Variants in CALCRL observed in about 807,000 individuals in gnomAD.
The protein encoded by CALCRL is calcitonin receptor like receptor, also known as calcitonin gene-related peptide type 1 receptor.
A neutral mutation model predicts 60.4 loss-of-function variants in CALCRL; 27 were observed. That is an observed-to-expected ratio of 0.45 (90% CI 0.33 to 0.62). The LOEUF (loss-of-function observed/expected upper bound fraction) is 0.62. Ranked by LOEUF, CALCRL falls within the 20% of genes least tolerant of loss-of-function variation. The pLI, the probability that CALCRL is intolerant of heterozygous loss-of-function variation, is 0.03. For missense variants in CALCRL, 424 were observed against 540.7 expected, an observed-to-expected ratio of 0.78 and a Z score of 2.14; for synonymous variants, 190 against 182.6, an observed-to-expected ratio of 1.04 and a Z score of -0.33.
intron 1 of CALCRL, among the ~76,000 whole-genome samples, chr2:187,388,025 A>G (rs1688278993): frequency 6.6e-6 from 1 of 152,050 alleles, no homozygotes. Flanking sequence ...ATGAGTAAAT[A>G]ATTTTTAAAG....
At chr2:187,425,418 C>A (rs1284501225) in intron 1 of CALCRL, among the ~76,000 whole-genome samples, 2 of 151,764 alleles carry the variant, frequency 1.3e-5, no homozygotes, top group African/African-American at 4.8e-5. Context: ...ACAAGAGAAA[C>A]CCATTTGGTA....
chr2:187,437,439 A>G (rs902366394), intron 1 of CALCRL, among the ~76,000 whole-genome samples: 5 of 152,056 alleles, frequency 3.3e-5, no homozygotes. Flanking sequence ...GGTTTCTTTC[A>G]AGGCTTTTAT....
At position 187,363,403 on chromosome 2, in the gene CALCRL, G is replaced by GT; in HGVS notation, c.599dup (p.Asn200LysfsTer12). 6.2e-7 allele frequency: 1 copy of GT among 1,611,720 alleles called. No homozygotes were observed. Among genetic ancestry groups the GT allele is most frequent in the Non-Finnish European group, 8.5e-7 (1 of 1,178,840 alleles). On this transcript the variant is annotated frameshift_variant, in exon 9 of 15. Transcript: ENST00000392370. LOFTEE classifies it high-confidence loss of function. ...GATTTGTGGCTACTAAGGCCTGGTT[G>GT]TTGGCCACTGCAGTGAGGTGAATGA... is the stretch of plus-strand genomic sequence containing the variant.
rs539403870 is a variant in CALCRL at position 187,387,881 on chromosome 2, T to C, written c.-292-125A>G. ...CATATTTTTATTGAACAATTCCAAC[T>C]TTGAAAAGCCTCTTTTGCTTACAAT... On this transcript the variant is annotated intron_variant, in intron 1 of 14. Coordinates refer to ENST00000392370, the MANE Select transcript of CALCRL (RefSeq NM_005795.6). The C allele has an allele frequency of 1.7e-3, 620 of 361,066 alleles. 8 individuals are homozygous for C. The East Asian group carries it at 0.024, about 14-fold the overall frequency. The allele number at this position is 361,066 out of a possible 1,614,324, so 22.4% of individuals were successfully genotyped here. A position where few individuals can be genotyped will look rare whatever the true frequency, so the allele number is the denominator to read the frequency against.
chr2:187,348,393 T>G (rs544467314), intron 14 of CALCRL, among the ~76,000 whole-genome samples: 1 of 151,668 alleles, frequency 6.6e-6, no homozygotes, highest in Non-Finnish European at 1.5e-5. Flanking sequence ...TGGTTGAGTA[T>G]GTAATCAATA....
intron 1 of CALCRL, among the ~76,000 whole-genome samples, chr2:187,409,572 T>C (rs1440271898): frequency 1.3e-5 from 2 of 152,222 alleles, no homozygotes; most frequent in East Asian, 3.8e-4. Flanking sequence ...CAAATGCTTA[T>C]TGAGCCACTG....
intron 1 of CALCRL, among the ~76,000 whole-genome samples, chr2:187,421,596 CAA>C (rs982998777): frequency 1.3e-5 from 2 of 152,202 alleles, no homozygotes; most frequent in African/African-American, 4.8e-5. Context: ...CTGATGCTCT[CAA>C]AGTCATCAAC....
At chr2:187,388,519 G>A (rs1688298345) in intron 1 of CALCRL, among the ~76,000 whole-genome samples, 1 of 152,046 alleles carries the variant, frequency 6.6e-6, no homozygotes, top group Non-Finnish European at 1.5e-5. Context: ...CTACAGATTT[G>A]TTGTGACCAT....
At chr2:187,410,289 A>G (rs1304468182) in intron 1 of CALCRL, among the ~76,000 whole-genome samples, 3 of 152,226 alleles carry the variant, frequency 2.0e-5, no homozygotes, top group African/African-American at 4.8e-5. Flanking sequence ...AAGAGTTTCA[A>G]TGTATTAAAA....
chr2:187,414,727 C>T (rs1689522573), intron 1 of CALCRL, among the ~76,000 whole-genome samples: 1 of 152,004 alleles, frequency 6.6e-6, no homozygotes, highest in African/African-American at 2.4e-5. Context: ...GACAAATTTT[C>T]CTAGGACTGT....
At chr2:187,414,876 ATTTT>A (rs35114345) in intron 1 of CALCRL, among the ~76,000 whole-genome samples, 4 of 13,800 alleles carry the variant, frequency 2.9e-4, no homozygotes, top group African/African-American at 1.3e-3. Context: ...CCAGAAAATT[ATTTT>A]TTTTTTTTTA....
chr2:187,380,355 G>C (rs1687933414), intron 7 of CALCRL, 112 bp downstream of exon 7: 1 of 598,130 alleles, frequency 1.7e-6, no homozygotes, highest in Admixed American at 2.6e-5. Flanking sequence ...ATTATGAAAA[G>C]GCTTTATAAG....
intron 12 of CALCRL, among the ~76,000 whole-genome samples, chr2:187,353,925 G>A (rs1686653832): frequency 6.7e-6 from 1 of 149,430 alleles, no homozygotes; most frequent in Non-Finnish European, 1.5e-5. Context: ...GATTTAAAAT[G>A]TGAAACTAGA....
intron 14 of CALCRL, among the ~76,000 whole-genome samples, chr2:187,350,114 A>T (rs2105691757): frequency 6.6e-6 from 1 of 151,762 alleles, no homozygotes; most frequent in East Asian, 1.9e-4. Flanking sequence ...GATTAAATGC[A>T]TTGCTGTGTT....
chr2:187,430,823 A>G (rs1389809492), intron 1 of CALCRL, among the ~76,000 whole-genome samples: 1 of 152,142 alleles, frequency 6.6e-6, no homozygotes, highest in African/African-American at 2.4e-5. Flanking sequence ...CTATAGAGAA[A>G]AGGAACTTAG....
chr2:187,364,950 T>C (rs1322454821), intron 8 of CALCRL, among the ~76,000 whole-genome samples: 1 of 152,150 alleles, frequency 6.6e-6, no homozygotes, highest in Non-Finnish European at 1.5e-5. Flanking sequence ...AGCTAGTATT[T>C]TCATATTAAA....
At chr2:187,354,072 A>G (rs1280108000) in intron 12 of CALCRL, among the ~76,000 whole-genome samples, 2 of 152,030 alleles carry the variant, frequency 1.3e-5, no homozygotes, top group Non-Finnish European at 2.9e-5. Context: ...TTCTGTAAAT[A>G]TTTCCATTTA....
At position 187,346,356 on chromosome 2, in the gene CALCRL, T is replaced by A; in HGVS notation, c.1214A>T (p.Gln405Leu). Residue 405 changes from glutamine (Q) to leucine (L), a missense_variant, in exon 15 of 15, where the codon CAA (glutamine) becomes CTA (leucine). Gln to Leu is a moderately radical substitution (Grantham distance 113). This residue lies in a region of CALCRL where 222 missense variants were observed against 265.6 expected (regional missense o/e 0.84). Transcript: ENST00000392370. ...LRRNWNQYKIQFGNSFSNSEA... is the reference protein window; with the variant it reads ...LRRNWNQYKILFGNSFSNSEA... The stretch of plus-strand genomic sequence containing the variant: ...TGAGTTGGAAAAGCTGTTTCCAAAT[T>A]GGATTTTGTATTGATTCCAGTTTCT... The A allele has an allele frequency of 6.2e-7, 1 of 1,612,172 alleles. No individual in the cohort carries two copies. The highest frequency in any genetic ancestry group is 8.5e-7 in the Non-Finnish European group (1 of 1,178,866).
chr2:187,385,675 A>T, intron 3 of CALCRL, 44 bp from the exon 4 acceptor site: 2 of 935,096 alleles, frequency 2.1e-6, no homozygotes, highest in South Asian at 1.6e-5. Flanking sequence ...AATATTTATG[A>T]AATAAATGCA....
Sources: allele counts gnomAD v4.1 joint callset (sites outside exome capture counted in the v4.1 genomes callset), GRCh38; gene constraint gnomAD v4.1.1; regional missense constraint gnomAD v4.1.1; transcripts MANE v1.5; gene names NCBI Gene and HGNC (gene_info 2026-07-23, HGNC 2026-07-21).